The following MALRD1 variants were observed in gnomAD, a reference collection of about 807,000 sequenced individuals.
MALRD1 encodes the protein MAM and LDL-receptor class A domain-containing protein 1.
Under a neutral mutation model 242.1 loss-of-function variants are expected in MALRD1, and 247 were observed. The ratio of observed to expected loss-of-function variants is 1.02; its 90% CI spans 0.92 to 1.13. MALRD1 has a LOEUF of 1.13. Ranked by LOEUF, MALRD1 falls within the 50% of genes most tolerant of loss-of-function variation. The probability of loss-of-function intolerance (pLI) is 0.00; values close to 1 mark genes in which losing one functional copy is unlikely to be tolerated. For missense variants in MALRD1, 2,989 were observed against 2,533.1 expected, an observed-to-expected ratio of 1.18 and a Z score of -3.86; for synonymous variants, 995 against 866.6, an observed-to-expected ratio of 1.15 and a Z score of -2.60.
chr10:19,292,724 C>G (rs1349011998), intron 21 of MALRD1, among the ~76,000 whole-genome samples: 3 of 151,836 alleles, frequency 2.0e-5, no homozygotes, highest in African/African-American at 7.3e-5. Flanking sequence ...AACCCCGTCT[C>G]TACTAAAAAT....
chr10:19,592,650 T>G (rs761322675), intron 33 of MALRD1, among the ~76,000 whole-genome samples: 4 of 151,646 alleles, frequency 2.6e-5, no homozygotes, highest in Non-Finnish European at 5.9e-5. Flanking sequence ...TAAAAAAAAT[T>G]TCTGCTTTTA....
intron 21 of MALRD1, among the ~76,000 whole-genome samples, chr10:19,284,179 C>CT (rs1367387242): frequency 6.6e-6 from 1 of 151,584 alleles, no homozygotes; most frequent in East Asian, 1.9e-4. Context: ...CCATTTTGAA[C>CT]TTTTTTCACT....
chr10:19,690,040 G>A (rs1842753826), intron 36 of MALRD1, among the ~76,000 whole-genome samples: 1 of 152,008 alleles, frequency 6.6e-6, no homozygotes. Context: ...GTTTCAAGAT[G>A]GCAGGCTGAT....
chr10:19,309,705 G>A (rs1183919952), intron 21 of MALRD1, among the ~76,000 whole-genome samples: 3 of 151,436 alleles, frequency 2.0e-5, no homozygotes, highest in African/African-American at 7.3e-5. Context: ...TAAAAACAGG[G>A]ATCAATGAAG....
chr10:19,389,598 A>AT lies in MALRD1; in HGVS notation c.4836dup (p.Leu1613SerfsTer16), dbSNP rs771692774. 106 of 1,549,912 alleles carry AT rather than the reference A, an allele frequency of 6.8e-5. No homozygotes were observed. The highest frequency in any genetic ancestry group is 3.4e-4 in the Middle Eastern group (2 of 5,936). On this transcript the variant is annotated frameshift_variant, in exon 28 of 40. Coordinates refer to ENST00000454679, the MANE Select transcript of MALRD1 (RefSeq NM_001142308.3). LOFTEE classifies it high-confidence loss of function. ...TGCAAAGGCCACAGGATCCATTCAGATTCTCATCAAGGTAGGAACATGGCC... is the reference window on the plus strand; with the variant it reads ...TGCAAAGGCCACAGGATCCATTCAGATTTCTCATCAAGGTAGGAACATGGCC...
chr10:19,438,568 G>C (rs1032086701), intron 28 of MALRD1, among the ~76,000 whole-genome samples: 3 of 152,110 alleles, frequency 2.0e-5, no homozygotes, highest in Admixed American at 6.6e-5. Flanking sequence ...GTTTCCTATA[G>C]AACCTCCATA....
chr10:19,051,122 A>G (rs1834480679), intron 1 of MALRD1, among the ~76,000 whole-genome samples: 1 of 152,220 alleles, frequency 6.6e-6, no homozygotes, highest in Non-Finnish European at 1.5e-5. Context: ...GCAGATAAAA[A>G]TTGAGAATCA....
intron 38 of MALRD1, among the ~76,000 whole-genome samples, chr10:19,726,997 A>G (rs2131927510): frequency 6.6e-6 from 1 of 152,340 alleles, no homozygotes; most frequent in South Asian, 2.1e-4. Context: ...AGTTATAAAA[A>G]CATTTTGGAA....
chr10:19,302,447 C>T (rs1841992419), intron 21 of MALRD1, among the ~76,000 whole-genome samples: 1 of 151,776 alleles, frequency 6.6e-6, no homozygotes, highest in African/African-American at 2.4e-5. Flanking sequence ...AAATGCTATT[C>T]AGCTGTAAAA....
chr10:19,411,392 C>G (rs747040879), intron 28 of MALRD1, among the ~76,000 whole-genome samples: 1 of 152,042 alleles, frequency 6.6e-6, no homozygotes, highest in Non-Finnish European at 1.5e-5. Flanking sequence ...CAGCCTGGCT[C>G]GTAATGGGCA....
At chr10:19,109,028 C>T (rs886477028) in intron 5 of MALRD1, among the ~76,000 whole-genome samples, 2 of 152,172 alleles carry the variant, frequency 1.3e-5, no homozygotes, top group Non-Finnish European at 2.9e-5. Flanking sequence ...CTTTACTACA[C>T]CTGTGCTTTA....
intron 5 of MALRD1, among the ~76,000 whole-genome samples, chr10:19,122,948 A>G (rs113847971): frequency 6.6e-6 from 1 of 151,352 alleles, no homozygotes; most frequent in Non-Finnish European, 1.5e-5. Context: ...CTCATCTTGA[A>G]CTCCTGACCT....
At chr10:19,730,255 T>C (rs1015269533) in intron 38 of MALRD1, among the ~76,000 whole-genome samples, 11 of 152,168 alleles carry the variant, frequency 7.2e-5, no homozygotes, top group African/African-American at 2.4e-4. Context: ...GTGCTACAGA[T>C]CTTTATGACA....
chr10:19,665,197 A>G (rs1312253616), intron 36 of MALRD1, among the ~76,000 whole-genome samples: 2 of 152,156 alleles, frequency 1.3e-5, no homozygotes, highest in East Asian at 1.9e-4. Flanking sequence ...AGGCTTACAT[A>G]GCATCCTAAC....
At chr10:19,387,884 G>A in intron 27 of MALRD1, 111 bp downstream of exon 27, 1 of 1,327,030 alleles carries the variant, frequency 7.5e-7, no homozygotes, top group Non-Finnish European at 1.0e-6. Context: ...CGATGGTATT[G>A]CAAGGCGATC....
chr10:19,222,210 C>T (rs1331595253), intron 18 of MALRD1, among the ~76,000 whole-genome samples: 3 of 151,946 alleles, frequency 2.0e-5, no homozygotes, highest in East Asian at 3.9e-4. Flanking sequence ...AGCACATATA[C>T]CAGCCATTTG....
chr10:19,098,611 T>C (rs1200860754), intron 4 of MALRD1, among the ~76,000 whole-genome samples: 1 of 152,200 alleles, frequency 6.6e-6, no homozygotes, highest in Admixed American at 6.5e-5. Flanking sequence ...GAATGTATAC[T>C]ACTAATTAAG....
chr10:19,472,618 A>AT (rs1461489655), intron 29 of MALRD1, among the ~76,000 whole-genome samples: 15 of 151,830 alleles, frequency 9.9e-5, no homozygotes, highest in African/African-American at 3.1e-4. Context: ...TTTCTTCATG[A>AT]TTCAGTCTTG....
rs1564423464 is a variant in MALRD1, at chr10:19,148,783, A to AT, written c.1558+2439_1558+2440insT. On this transcript the variant is annotated intron_variant, in intron 11 of 39. Coordinates refer to ENST00000454679, the MANE Select transcript of MALRD1 (RefSeq NM_001142308.3). ...TTAGAAAGGGCCAATTAAAAAAAAAAAAAAAATATATATATATATATATAT... is the reference window on the plus strand; with the variant it reads ...TTAGAAAGGGCCAATTAAAAAAAAAATAAAAAATATATATATATATATATAT... Among the ~76,000 whole-genome samples, 1,061 of 106,496 alleles carry AT rather than the reference A, an allele frequency of 1.0e-2. 10 individuals are homozygous for AT. Among genetic ancestry groups the AT allele is most frequent in the African/African-American group, 0.021 (521 of 25,126 alleles). The allele number at this position is 106,496 out of a possible 152,430, so 69.9% of individuals were successfully genotyped here.
Sources: allele counts gnomAD v4.1 joint callset (sites outside exome capture counted in the v4.1 genomes callset), GRCh38; gene constraint gnomAD v4.1.1; transcripts MANE v1.5; gene names NCBI Gene and HGNC (gene_info 2026-07-23, HGNC 2026-07-21).